EPB41L1: variants seen among roughly 807,000 people sequenced by gnomAD.
The protein encoded by EPB41L1 is erythrocyte membrane protein band 4.1 like 1.
A neutral mutation model predicts 97.8 loss-of-function variants in EPB41L1; 29 were observed. The observed-to-expected ratio is 0.30, with a 90% CI of 0.22 to 0.40. The LOEUF (loss-of-function observed/expected upper bound fraction) is 0.40, where lower values mean the gene tolerates loss of function less well. EPB41L1 is among the 10% of genes least tolerant of loss of function. The pLI is 1.00. For missense variants in EPB41L1, 812 were observed against 1,162.3 expected (o/e 0.70, Z 4.38); for synonymous variants, 383 against 459.2 (o/e 0.83, Z 2.12).
At position 36,146,317 on chromosome 20, in the gene EPB41L1, G is replaced by A. The variant is rs191029728; in HGVS notation, c.-9-29234G>A. On this transcript the variant is annotated intron_variant, in intron 2 of 19. Coordinates refer to the EPB41L1 transcript ENST00000202028. Reference sequence around the variant, plus strand: ...CTGGCACACTGGGGATACAGAGATCGGTACCATAACTTCCCTGTCCTCAAG... The same window carrying A: ...CTGGCACACTGGGGATACAGAGATCAGTACCATAACTTCCCTGTCCTCAAG... Among the ~76,000 whole-genome samples, 554 of 152,294 alleles carry A rather than the reference G, an allele frequency of 3.6e-3. 4 individuals carry two copies. The highest frequency in any genetic ancestry group is 3.2e-3 in the Non-Finnish European group (221 of 68,028).
At chr20:36,205,214 G>A (rs942587376) in intron 14 of EPB41L1, among the ~76,000 whole-genome samples, 2 of 152,158 alleles carry the variant, frequency 1.3e-5, no homozygotes, top group African/African-American at 4.8e-5. Flanking sequence ...TGTGGCCTGT[G>A]GAACTTAATG....
chr20:36,107,989 A>AT (rs974557832), intron 1 of EPB41L1, among the ~76,000 whole-genome samples: 34 of 147,624 alleles, frequency 2.3e-4, no homozygotes, highest in Admixed American at 3.4e-4. Context: ...TTTAGTTTTA[A>AT]TTTTTTTTTT....
intron 1 of EPB41L1, among the ~76,000 whole-genome samples, chr20:36,104,856 C>T (rs758901799): frequency 6.6e-6 from 1 of 152,106 alleles, no homozygotes; most frequent in Non-Finnish European, 1.5e-5. Context: ...GAACTGGCCT[C>T]GCGCGCTCTG....
At chr20:36,156,660 C>T (rs2060313872) in intron 1 of EPB41L1, among the ~76,000 whole-genome samples, 2 of 152,076 alleles carry the variant, frequency 1.3e-5, no homozygotes, top group Non-Finnish European at 2.9e-5. Flanking sequence ...CTACCTGATC[C>T]CTTAGGAGGG....
At chr20:36,101,181 G>T (rs1274330762) in intron 1 of EPB41L1, among the ~76,000 whole-genome samples, 2 of 152,182 alleles carry the variant, frequency 1.3e-5, no homozygotes, top group Non-Finnish European at 2.9e-5. Context: ...GAAGTGGGGA[G>T]GGAGGCAGAG....
chr20:36,129,952 T>TG (rs2059130602), intron 2 of EPB41L1, among the ~76,000 whole-genome samples: 1 of 149,996 alleles, frequency 6.7e-6, no homozygotes, highest in Non-Finnish European at 1.5e-5. Context: ...TTTTTGTTTT[T>TG]TTTTTTTGAG....
chr20:36,189,513 G>T (rs1167771615), intron 9 of EPB41L1, among the ~76,000 whole-genome samples: 1 of 152,064 alleles, frequency 6.6e-6, no homozygotes, highest in Admixed American at 6.5e-5. Flanking sequence ...TGAGTGCTTC[G>T]CATTTGATGT....
chr20:36,096,887 C>T lies in EPB41L1; in HGVS notation c.-65+5275C>T, dbSNP rs141781234. 6.2e-3 allele frequency among the ~76,000 whole-genome samples: 946 copies of T among 152,354 alleles called. 6 individuals carry two copies. Among genetic ancestry groups the T allele is most frequent in the African/African-American group, 0.02 (851 of 41,596 alleles). On this transcript the variant is annotated intron_variant, in intron 1 of 19. Transcript: ENST00000202028. ...TGGCACTAAATGATACCCAAAGTTTCGTTTCAAGCCCTGACAATGTGTAAT... is the reference window on the plus strand; with the variant it reads ...TGGCACTAAATGATACCCAAAGTTTTGTTTCAAGCCCTGACAATGTGTAAT...
chr20:36,128,950 G>A (rs1241749809), intron 2 of EPB41L1, among the ~76,000 whole-genome samples: 1 of 152,138 alleles, frequency 6.6e-6, no homozygotes, highest in Non-Finnish European at 1.5e-5. Flanking sequence ...CTGGGGTCCT[G>A]GATGAGGTGG....
chr20:36,176,348 G>C (rs1397811593), intron 3 of EPB41L1, among the ~76,000 whole-genome samples: 1 of 152,200 alleles, frequency 6.6e-6, no homozygotes, highest in East Asian at 1.9e-4. Context: ...TTCCTATATA[G>C]GTTCTGACTC....
chr20:36,120,578 C>T (rs2058719848), intron 2 of EPB41L1, among the ~76,000 whole-genome samples: 1 of 152,162 alleles, frequency 6.6e-6, no homozygotes, highest in Non-Finnish European at 1.5e-5. Flanking sequence ...GAGCCTGAGC[C>T]CTGGACAACC....
intron 17 of EPB41L1, among the ~76,000 whole-genome samples, chr20:36,216,856 G>C (rs1377845337): frequency 6.6e-6 from 1 of 152,176 alleles, no homozygotes; most frequent in Non-Finnish European, 1.5e-5. Flanking sequence ...GATGCCTGGA[G>C]GGGGGAAAGC....
At chr20:36,144,438 G>A (rs1008144087) in intron 2 of EPB41L1, among the ~76,000 whole-genome samples, 1 of 152,160 alleles carries the variant, frequency 6.6e-6, no homozygotes, top group Admixed American at 6.5e-5. Flanking sequence ...CAATCACAGT[G>A]GGCAGCTGAG....
intron 13 of EPB41L1, chr20:36,197,542 A>T: frequency 1.3e-6 from 1 of 759,618 alleles, no homozygotes; most frequent in Non-Finnish European, 1.6e-6. Context: ...CAGGGAACTC[A>T]CCCAGACCTG....
Position 36,206,410 on chromosome 20 carries a change from C to G in EPB41L1, c.1669-3078C>G. On this transcript the variant is annotated intron_variant, in intron 14 of 21. Coordinates refer to ENST00000338074, the MANE Select transcript of EPB41L1 (RefSeq NM_012156.2). The surrounding 1 kb of genome is among the most constrained non-coding windows in gnomAD (Gnocchi z 5.5). ...CCAGTCGTTTCTATTGGATCCAGCCCACGCAGAAGCCAGAGCTGAGTTGAG... is the reference window on the plus strand; with the variant it reads ...CCAGTCGTTTCTATTGGATCCAGCCGACGCAGAAGCCAGAGCTGAGTTGAG... 1 of 1,290,000 alleles carries G rather than the reference C, an allele frequency of 7.8e-7. No individual in the cohort carries two copies. Among genetic ancestry groups the G allele is most frequent in the Non-Finnish European group, 1.0e-6 (1 of 988,908 alleles). 79.9% of individuals were successfully genotyped at this position (1,290,000 alleles called of 1,614,324 possible).
Position 36,190,861 on chromosome 20 carries a change from T to A in EPB41L1, c.1300+64T>A, listed in dbSNP as rs543938478. ...TCAGAGGGAACTGGGGGAGTGGGCA[T>A]GCTGGGTTCTGCAGAATGAGCAGGA... On this transcript the variant is annotated intron_variant, in intron 11 of 21. Coordinates refer to ENST00000338074, the MANE Select transcript of EPB41L1 (RefSeq NM_012156.2). This position sits in a 1 kb window ranked among gnomAD's most constrained non-coding sequence, Gnocchi z 5.8. 1 of 1,588,796 alleles carries A rather than the reference T, an allele frequency of 6.3e-7. No homozygotes were observed. The highest frequency in any genetic ancestry group is 1.1e-5 in the South Asian group (1 of 89,568).
chr20:36,131,883 G>T (rs1460153492), intron 2 of EPB41L1, among the ~76,000 whole-genome samples: 1 of 152,154 alleles, frequency 6.6e-6, no homozygotes, highest in Non-Finnish European at 1.5e-5. Flanking sequence ...GAGGGGTGGA[G>T]GGCCTGGATG....
At chr20:36,144,738 T>C (rs1313368339) in intron 2 of EPB41L1, among the ~76,000 whole-genome samples, 1 of 152,138 alleles carries the variant, frequency 6.6e-6, no homozygotes, top group Non-Finnish European at 1.5e-5. Context: ...TCATTGTATA[T>C]GGGAGGAATT....
chr20:36,190,408 G>A lies in EPB41L1; in HGVS notation c.1124+34G>A, dbSNP rs2061894572. The A allele has an allele frequency of 6.2e-7, 1 of 1,606,576 alleles. No homozygotes were observed. On this transcript the variant is annotated intron_variant, in intron 10 of 21. Coordinates refer to ENST00000338074, the MANE Select transcript of EPB41L1 (RefSeq NM_012156.2). The surrounding 1 kb of genome is among the most constrained non-coding windows in gnomAD (Gnocchi z 5.8). The stretch of plus-strand genomic sequence containing the variant: ...GACCTTGGATGGGGTAATGGGGATG[G>A]GGCAGAGGCCATGTGTATGGAGGGG...
Sources: gnomAD v4.1 joint callset for allele counts (sites outside exome capture counted in the v4.1 genomes callset) on GRCh38, gnomAD v4.1.1 for gene constraint, Gnocchi (gnomAD v3.1) non-coding constraint, MANE v1.5 for transcripts, NCBI Gene and HGNC (gene_info 2026-07-23, HGNC 2026-07-21) for gene names.